The following DZANK1 variants were observed in gnomAD, a reference collection of about 807,000 sequenced individuals.
DZANK1 encodes the protein double zinc ribbon and ankyrin repeat domains 1.
A neutral mutation model predicts 94.5 loss-of-function variants in DZANK1; 91 were observed. The observed-to-expected ratio is 0.96, with a 90% CI of 0.81 to 1.15. DZANK1 has a LOEUF of 1.15. Among genes scored for constraint, DZANK1 ranks in the 50% most tolerant of loss-of-function variants. The pLI is 0.00. For missense variants in DZANK1, 903 were observed against 916.4 expected, an observed-to-expected ratio of 0.99 and a Z score of 0.19; for synonymous variants, 312 against 325.3, an observed-to-expected ratio of 0.96 and a Z score of 0.44.
intron 17 of DZANK1, among the ~76,000 whole-genome samples, chr20:18,392,073 TG>T (rs558049096): frequency 2.3e-4 from 35 of 152,166 alleles, no homozygotes; most frequent in Admixed American, 1.3e-4. Flanking sequence ...AAATAATCAC[TG>T]AATGAGTGAA....
chr20:18,449,025 G>C, exon 7 of DZANK1: 1 of 1,613,870 alleles, frequency 6.2e-7, no homozygotes, highest in Non-Finnish European at 8.5e-7. Context: ...TTATCTCCGT[G>C]CTTGTCAAAC....
intron 13 of DZANK1, 112 bp from the exon 14 acceptor site, chr20:18,398,738 T>G (rs2056503469): frequency 4.8e-6 from 5 of 1,034,812 alleles, no homozygotes; most frequent in Non-Finnish European, 7.3e-6. Flanking sequence ...TGTCAAACTT[T>G]GTGATGGACT....
intron 9 of DZANK1, among the ~76,000 whole-genome samples, chr20:18,432,075 G>C (rs534029356): frequency 6.6e-5 from 10 of 152,072 alleles, no homozygotes; most frequent in Non-Finnish European, 1.5e-4. Flanking sequence ...CTCAATATAG[G>C]ATTTACAACA....
chr20:18,440,504 C>G (rs1333467695), intron 8 of DZANK1, among the ~76,000 whole-genome samples: 1 of 152,128 alleles, frequency 6.6e-6, no homozygotes, highest in African/African-American at 2.4e-5. Flanking sequence ...TAAAATCTTC[C>G]TCTTCTTTGT....
chr20:18,398,764 C>A, intron 13 of DZANK1, 138 bp from the exon 14 acceptor site: 1 of 751,202 alleles, frequency 1.3e-6, no homozygotes, highest in Non-Finnish European at 2.2e-6. Flanking sequence ...TAGTGAACCT[C>A]AACTATGCTC....
At chr20:18,389,148 G>A (rs945377211) in intron 19 of DZANK1, among the ~76,000 whole-genome samples, 3 of 152,220 alleles carry the variant, frequency 2.0e-5, no homozygotes, top group African/African-American at 7.2e-5. Context: ...GGACAGGAGT[G>A]GACCAAGACT....
intron 9 of DZANK1, among the ~76,000 whole-genome samples, chr20:18,429,037 T>C (rs1485966513): frequency 6.6e-6 from 1 of 152,214 alleles, no homozygotes; most frequent in East Asian, 1.9e-4. Flanking sequence ...TTCTTCAAAG[T>C]TACTTAAAGT....
At chr20:18,393,236 C>G (rs1246508489) in intron 17 of DZANK1, among the ~76,000 whole-genome samples, 1 of 152,156 alleles carries the variant, frequency 6.6e-6, no homozygotes, top group African/African-American at 2.4e-5. Flanking sequence ...AGAGGAAGAC[C>G]TTTTCCACCA....
At chr20:18,433,579 GA>G in intron 9 of DZANK1, 72 bp downstream of exon 9, 3 of 1,409,434 alleles carry the variant, frequency 2.1e-6, no homozygotes, top group Non-Finnish European at 3.0e-6. Context: ...CCCACTAGCT[GA>G]AAAAGGACAT....
At chr20:18,410,019 C>T (rs1242236027) in intron 13 of DZANK1, among the ~76,000 whole-genome samples, 10 of 111,480 alleles carry the variant, frequency 9.0e-5, no homozygotes, top group African/African-American at 3.6e-4. Flanking sequence ...GGTGGCAGAG[C>T]GAGACTCCGT....
intron 1 of DZANK1, among the ~76,000 whole-genome samples, chr20:18,466,619 A>G (rs1177921906): frequency 6.6e-6 from 1 of 152,212 alleles, no homozygotes; most frequent in Non-Finnish European, 1.5e-5. Flanking sequence ...TAAATAAAAA[A>G]TATGTAGGAG....
At chr20:18,459,705 G>A (rs2059408931) in intron 3 of DZANK1, among the ~76,000 whole-genome samples, 1 of 152,152 alleles carries the variant, frequency 6.6e-6, no homozygotes, top group African/African-American at 2.4e-5. Flanking sequence ...TGTCCAACAA[G>A]TTGAAATGAC....
At chr20:18,409,902 T>C (rs1258344320) in intron 13 of DZANK1, among the ~76,000 whole-genome samples, 1 of 151,920 alleles carries the variant, frequency 6.6e-6, no homozygotes, top group Non-Finnish European at 1.5e-5. Flanking sequence ...ACCCTGTCTC[T>C]ACTAAAAACA....
chr20:18,427,606 G>GT (rs2058098985), intron 9 of DZANK1, among the ~76,000 whole-genome samples: 1 of 148,692 alleles, frequency 6.7e-6, no homozygotes, highest in African/African-American at 2.5e-5. Context: ...TGTAAGGTTG[G>GT]GTGTGTGTGT....
chr20:18,450,261 A>G (rs978763063), intron 6 of DZANK1, among the ~76,000 whole-genome samples: 7 of 151,962 alleles, frequency 4.6e-5, no homozygotes, highest in Admixed American at 6.6e-5. Flanking sequence ...CACATCTAAC[A>G]TGGCCTAGGC....
chr20:18,393,406 G>T (rs2056130714), intron 17 of DZANK1, among the ~76,000 whole-genome samples: 1 of 152,162 alleles, frequency 6.6e-6, no homozygotes, highest in East Asian at 1.9e-4. Flanking sequence ...GTCTTCATTT[G>T]TCAAACGACC....
At chr20:18,448,735 C>T (rs992347535) in intron 7 of DZANK1, among the ~76,000 whole-genome samples, 4 of 151,806 alleles carry the variant, frequency 2.6e-5, no homozygotes, top group South Asian at 2.1e-4. Context: ...GGCGTGGTGG[C>T]GCGTGCCTGT....
chr20:18,398,107 G>A (rs2056452663), intron 14 of DZANK1, among the ~76,000 whole-genome samples: 1 of 152,178 alleles, frequency 6.6e-6, no homozygotes. Context: ...GGTTTGCTGT[G>A]AAGGCAAGAA....
chr20:18,396,490 A>G (rs1358676065), exon 15 of DZANK1: 9 of 1,613,462 alleles, frequency 5.6e-6, no homozygotes, highest in Non-Finnish European at 7.6e-6. Context: ...AGACTTGACT[A>G]TAATTCAGTC....
Sources: gnomAD v4.1 joint callset for allele counts (sites outside exome capture counted in the v4.1 genomes callset) on GRCh38, gnomAD v4.1.1 for gene constraint, MANE v1.5 for transcripts, NCBI Gene and HGNC (gene_info 2026-07-23, HGNC 2026-07-21) for gene names.